The following FAM78B variants were observed in gnomAD, a reference collection of about 807,000 sequenced individuals.
FAM78B encodes the protein family with sequence similarity 78 member B, also known as protein FAM78B.
FAM78B carries 10 observed loss-of-function variants against 20.0 expected under a neutral mutation model. The observed-to-expected ratio is 0.50, with a 90% CI of 0.31 to 0.85. The LOEUF (loss-of-function observed/expected upper bound fraction) is 0.85. Among genes scored for constraint, FAM78B ranks in the 40% least tolerant of loss-of-function variants. The pLI, the probability that FAM78B is intolerant of heterozygous loss-of-function variation, is 0.05. For missense variants in FAM78B, 283 were observed against 345.0 expected, an observed-to-expected ratio of 0.82 and a Z score of 1.42; for synonymous variants, 135 against 132.8, an observed-to-expected ratio of 1.02 and a Z score of -0.12.
chr1:166,120,961 CTA>C (rs1374699145), intron 1 of FAM78B, among the ~76,000 whole-genome samples: 1 of 152,240 alleles, frequency 6.6e-6, no homozygotes, highest in East Asian at 1.9e-4. Context: ...TACAGTAACA[CTA>C]TCACTTCTGG....
intron 1 of FAM78B, among the ~76,000 whole-genome samples, chr1:166,092,553 T>C (rs1328916358): frequency 6.6e-6 from 1 of 152,200 alleles, no homozygotes; most frequent in East Asian, 1.9e-4. Context: ...AGCCTCAAGC[T>C]TCCTTAAGCC....
intron 1 of FAM78B, among the ~76,000 whole-genome samples, chr1:166,137,988 TA>T: frequency 1.3e-5 from 2 of 152,272 alleles, no homozygotes; most frequent in Middle Eastern, 3.4e-3. Context: ...AGGCAAAAAA[TA>T]CTGGCAGGGC....
intron 1 of FAM78B, among the ~76,000 whole-genome samples, chr1:166,150,477 C>T (rs747524521): frequency 6.6e-6 from 1 of 152,170 alleles, no homozygotes; most frequent in South Asian, 2.1e-4. Context: ...TCCTACATTG[C>T]AAGTTTCTTC....
chr1:166,070,507 C>A lies in FAM78B; in HGVS notation c.520G>T (p.Val174Leu). 6.2e-7 allele frequency: 1 copy of A among 1,614,166 alleles called. No individual in the cohort carries two copies. The highest frequency in any genetic ancestry group is 8.5e-7 in the Non-Finnish European group (1 of 1,180,018). Residue 174 changes from valine to leucine, a missense_variant, in exon 2 of 2, where the codon GTG (valine) becomes TTG (leucine). By Grantham distance (32) the Val-to-Leu change is conservative (BLOSUM62 1). Transcript: ENST00000354422. ...TCCTTTGTGGTGGTGTTCATGGCCA[C>A]CAGCCAGGTCGTGAAACTTTGGTCT... is the stretch of plus-strand genomic sequence containing the variant. ...KRDQSFTTWL[V>L]AMNTTTKEKI...
intron 1 of FAM78B, among the ~76,000 whole-genome samples, chr1:166,155,980 A>G (rs1193510341): frequency 6.6e-6 from 1 of 152,204 alleles, no homozygotes; most frequent in African/African-American, 2.4e-5. Flanking sequence ...CACATGCCCC[A>G]GAAGCCTCTG....
chr1:166,148,893 T>A (rs1387628776), intron 1 of FAM78B, among the ~76,000 whole-genome samples: 1 of 152,196 alleles, frequency 6.6e-6, no homozygotes, highest in Non-Finnish European at 1.5e-5. Context: ...GAATATGCGG[T>A]GTTTGGTTTT....
chr1:166,111,464 G>C (rs1449013823), intron 1 of FAM78B, among the ~76,000 whole-genome samples: 1 of 152,228 alleles, frequency 6.6e-6, no homozygotes, highest in Non-Finnish European at 1.5e-5. Context: ...ACAGAGGCTG[G>C]AGCAGCTGTC....
chr1:166,064,578 G>A (rs909533652), downstream of FAM78B, among the ~76,000 whole-genome samples: 14 of 152,120 alleles, frequency 9.2e-5, no homozygotes, highest in African/African-American at 3.1e-4. Flanking sequence ...TGACCACCAG[G>A]TTTCACGCCT....
intron 1 of FAM78B, among the ~76,000 whole-genome samples, chr1:166,128,153 T>C (rs1050345771): frequency 2.8e-4 from 43 of 152,224 alleles, no homozygotes; most frequent in Non-Finnish European, 7.3e-5. Context: ...TGACACCCTA[T>C]TACCTATAGG....
At chr1:166,157,281 T>C (rs935022147) in intron 1 of FAM78B, among the ~76,000 whole-genome samples, 2 of 151,942 alleles carry the variant, frequency 1.3e-5, no homozygotes, top group Non-Finnish European at 2.9e-5. Context: ...CCTCTAGCAA[T>C]AATAACGAGC....
At chr1:166,067,890 CT>C (rs1364239472), downstream of FAM78B, among the ~76,000 whole-genome samples, 2 of 152,222 alleles carry the variant, frequency 1.3e-5, no homozygotes, top group East Asian at 3.9e-4. Flanking sequence ...TTTTAAAACT[CT>C]GAAAAACTGT....
chr1:166,096,087 T>C (rs1308902943), intron 1 of FAM78B, among the ~76,000 whole-genome samples: 1 of 152,192 alleles, frequency 6.6e-6, no homozygotes, highest in Non-Finnish European at 1.5e-5. Flanking sequence ...AACGTAACCA[T>C]AGGTTTTTAG....
chr1:166,078,281 G>A (rs1652416591), intron 1 of FAM78B, among the ~76,000 whole-genome samples: 2 of 151,772 alleles, frequency 1.3e-5, no homozygotes, highest in South Asian at 4.2e-4. Flanking sequence ...CGCCTGCCTC[G>A]ACCTCCCAAA....
intron 1 of FAM78B, among the ~76,000 whole-genome samples, chr1:166,100,664 G>A (rs550773600): frequency 1.3e-5 from 2 of 152,362 alleles, no homozygotes; most frequent in East Asian, 1.9e-4. Context: ...TGCCATTGCT[G>A]AGGCTTGAGC....
intron 1 of FAM78B, among the ~76,000 whole-genome samples, chr1:166,157,234 A>T (rs1655942682): frequency 6.6e-6 from 1 of 152,062 alleles, no homozygotes; most frequent in Non-Finnish European, 1.5e-5. Context: ...GGCCACAGCC[A>T]CAACCTCCCT....
intron 1 of FAM78B, among the ~76,000 whole-genome samples, chr1:166,143,805 C>A (rs1223450091): frequency 6.6e-6 from 1 of 152,128 alleles, no homozygotes; most frequent in African/African-American, 2.4e-5. Flanking sequence ...CCATAACTGA[C>A]AATACATTGA....
At chr1:166,165,421 C>T (rs1421154103) in intron 1 of FAM78B, among the ~76,000 whole-genome samples, 1 of 152,128 alleles carries the variant, frequency 6.6e-6, no homozygotes, top group Non-Finnish European at 1.5e-5. Flanking sequence ...TGGTTCCAGA[C>T]GGAAACGCCT....
At chr1:166,065,603 T>C (rs1651765372), downstream of FAM78B, among the ~76,000 whole-genome samples, 2 of 152,138 alleles carry the variant, frequency 1.3e-5, no homozygotes. Flanking sequence ...ATGGGCTCTG[T>C]CATGGGCAGG....
At chr1:166,106,174 G>A (rs1653775914) in intron 1 of FAM78B, among the ~76,000 whole-genome samples, 1 of 142,280 alleles carries the variant, frequency 7.0e-6, no homozygotes, top group African/African-American at 2.6e-5. Context: ...CATGGACACA[G>A]GAAGGGGAAC....
Sources: allele counts gnomAD v4.1 joint callset (sites outside exome capture counted in the v4.1 genomes callset), GRCh38; gene constraint gnomAD v4.1.1; transcripts MANE v1.5; gene names NCBI Gene and HGNC (gene_info 2026-07-23, HGNC 2026-07-21).